ZBTB20: variants seen among roughly 807,000 people sequenced by gnomAD.
ZBTB20 encodes the protein zinc finger and BTB domain containing 20, also known as zinc finger and BTB domain-containing protein 20.
In ZBTB20, 9 loss-of-function variants were observed where a neutral mutation model predicts 56.9. That is an observed-to-expected ratio of 0.16 (90% CI 0.10 to 0.28). The LOEUF (loss-of-function observed/expected upper bound fraction) is 0.28, where lower values mean the gene tolerates loss of function less well. Ranked by LOEUF, ZBTB20 falls within the 10% of genes least tolerant of loss-of-function variation. ZBTB20 has a pLI of 1.00. For missense variants in ZBTB20, 655 were observed against 1,003.0 expected (o/e 0.65, Z 4.69); for synonymous variants, 417 against 420.7 (o/e 0.99, Z 0.11).
At chr3:115,021,980 T>C (rs2080223224) in intron 2 of ZBTB20, among the ~76,000 whole-genome samples, 1 of 150,734 alleles carries the variant, frequency 6.6e-6, no homozygotes, top group African/African-American at 2.4e-5. Flanking sequence ...TTTTGAAAAA[T>C]TATTCTGAAT....
At chr3:114,680,175 A>G (rs1176875861) in intron 6 of ZBTB20, among the ~76,000 whole-genome samples, 2 of 152,212 alleles carry the variant, frequency 1.3e-5, no homozygotes, top group Non-Finnish European at 2.9e-5. Context: ...TAGGACAAAT[A>G]CCTAATGTAG....
chr3:114,967,061 T>A (rs1427923849), intron 3 of ZBTB20, among the ~76,000 whole-genome samples: 1 of 152,158 alleles, frequency 6.6e-6, no homozygotes, highest in Non-Finnish European at 1.5e-5. Flanking sequence ...AGTTAACCAT[T>A]TCTAAAATAC....
intron 3 of ZBTB20, among the ~76,000 whole-genome samples, chr3:114,928,509 A>G (rs1358940171): frequency 6.6e-6 from 1 of 152,262 alleles, no homozygotes; most frequent in Admixed American, 6.5e-5. Context: ...TCTAAAAAAT[A>G]AATTTGGCAA....
rs1036191361 is a variant in ZBTB20, at chr3:114,550,175, C to T, written c.-294-49784G>A. Among the ~76,000 whole-genome samples the T allele has an allele frequency of 6.6e-5, 10 of 152,054 alleles. No individual in the cohort carries two copies. The East Asian group carries it at 7.7e-4, about 12-fold the overall frequency. ...GGATGGTCTCAATCTCCTGATCTTG[C>T]GATCCGCCTGCCTTGGCCTCCCAAA... On this transcript the variant is annotated intron_variant, in intron 6 of 11. Transcript: ENST00000675478.
At chr3:114,626,904 C>T (rs1414377714) in intron 6 of ZBTB20, among the ~76,000 whole-genome samples, 1 of 152,168 alleles carries the variant, frequency 6.6e-6, no homozygotes, top group East Asian at 1.9e-4. Context: ...AATGCTGACA[C>T]CCAGCAGTGA....
At chr3:115,075,811 A>C (rs936602076) in intron 1 of ZBTB20, among the ~76,000 whole-genome samples, 7 of 152,180 alleles carry the variant, frequency 4.6e-5, no homozygotes, top group Admixed American at 2.6e-4. Context: ...AACAAAAGCC[A>C]TTCAAATTGT....
chr3:115,084,971 T>TTTG lies in ZBTB20; in HGVS notation c.-702-13560_-702-13558dup, dbSNP rs748611015. Among the ~76,000 whole-genome samples, 59 of 151,940 alleles carry TTTG rather than the reference T, an allele frequency of 3.9e-4. 1 individual carries two copies. The highest frequency in any genetic ancestry group is 2.1e-3 in the East Asian group (11 of 5,176). ...CTTACTTAACGCTTTCCTGTTTTGT[T>TTTG]TTGTTGTTGTTGTTGTTGTTGTTTT... On this transcript the variant is annotated intron_variant, in intron 1 of 11. Coordinates refer to ENST00000675478, the MANE Select transcript of ZBTB20 (RefSeq NM_001348800.3).
intron 1 of ZBTB20, among the ~76,000 whole-genome samples, chr3:115,110,800 C>T (rs967357283): frequency 1.3e-5 from 2 of 151,916 alleles, no homozygotes; most frequent in Non-Finnish European, 2.9e-5. Flanking sequence ...ACCAGCCTGG[C>T]CAACATGGTA....
chr3:115,006,604 T>C (rs751943899), intron 2 of ZBTB20, among the ~76,000 whole-genome samples: 3 of 151,668 alleles, frequency 2.0e-5, no homozygotes, highest in Non-Finnish European at 2.9e-5. Context: ...TGTGCCTTTA[T>C]GTTTTAGCAA....
At chr3:115,055,033 T>A (rs1308832581) in intron 2 of ZBTB20, among the ~76,000 whole-genome samples, 1 of 152,100 alleles carries the variant, frequency 6.6e-6, no homozygotes, top group African/African-American at 2.4e-5. Context: ...CAGACAAACA[T>A]TCCAGGGGTT....
chr3:114,604,603 A>C (rs2057004211), intron 6 of ZBTB20, among the ~76,000 whole-genome samples: 1 of 152,070 alleles, frequency 6.6e-6, no homozygotes, highest in Admixed American at 6.6e-5. Flanking sequence ...GCAATGATAA[A>C]AATGGTTCCT....
chr3:114,912,950 A>G (rs2075600677), intron 3 of ZBTB20, among the ~76,000 whole-genome samples: 4 of 152,038 alleles, frequency 2.6e-5, no homozygotes, highest in African/African-American at 4.8e-5. Context: ...TCCATTGCAT[A>G]TATGGGCCAT....
intron 7 of ZBTB20, among the ~76,000 whole-genome samples, chr3:114,475,322 C>T (rs963070559): frequency 1.3e-5 from 2 of 152,102 alleles, no homozygotes; most frequent in Admixed American, 6.5e-5. Flanking sequence ...AATACCTTAT[C>T]TGTACTACTT....
In ZBTB20 at chr3:114,813,246, C is replaced by A. The variant is rs185371218; in HGVS notation, c.-416-12072G>T. 4.6e-5 allele frequency among the ~76,000 whole-genome samples: 7 copies of A among 152,346 alleles called. No homozygotes were observed. The East Asian group carries it at 1.4e-3, about 29-fold the overall frequency. ...GGTTATCAATAGGGCAATATCCAGG[C>A]TACAATGAAAAAGAAACTTGAAGTC... On this transcript the variant is annotated intron_variant, in intron 4 of 11. Transcript: ENST00000675478.
At chr3:114,341,644 C>A (rs780282105) in intron 11 of ZBTB20, among the ~76,000 whole-genome samples, 23 of 152,208 alleles carry the variant, frequency 1.5e-4, no homozygotes, top group Non-Finnish European at 2.9e-4. Flanking sequence ...TCATAGTTGT[C>A]ATGTTTCTCT....
At chr3:114,476,334 A>G (rs571888072) in intron 7 of ZBTB20, among the ~76,000 whole-genome samples, 1 of 152,368 alleles carries the variant, frequency 6.6e-6, no homozygotes, top group Admixed American at 6.5e-5. Flanking sequence ...ATGAGAGTTC[A>G]CTATGATATT....
chr3:115,114,577 AAAGT>A (rs1182716189), intron 1 of ZBTB20, among the ~76,000 whole-genome samples: 6 of 152,178 alleles, frequency 3.9e-5, no homozygotes, highest in African/African-American at 1.4e-4. Context: ...GAAAGATCTT[AAAGT>A]AAGTTATAAC....
rs1358239636 is a variant in ZBTB20, at chr3:114,576,537, A to T, written c.-294-76146T>A. Reference sequence around the variant, plus strand: ...AAAAAAAAAAAAAAAAAAAAAAAAAAAAAAAAAAAAATGTATACCTGATAT... The same window carrying T: ...AAAAAAAAAAAAAAAAAAAAAAAAATAAAAAAAAAAATGTATACCTGATAT... On this transcript the variant is annotated intron_variant, in intron 6 of 11. Transcript: ENST00000675478. Among the ~76,000 whole-genome samples, 3 of 142,928 alleles carry T rather than the reference A, an allele frequency of 2.1e-5. 1 individual carries two copies. Among genetic ancestry groups the T allele is most frequent in the African/African-American group, 7.8e-5 (3 of 38,328 alleles). The allele number at this position is 142,928 out of a possible 152,430, so 93.8% of individuals were successfully genotyped here. A position where few individuals can be genotyped will look rare whatever the true frequency, so the allele number is the denominator to read the frequency against.
chr3:114,771,969 T>C (rs1001419322), intron 5 of ZBTB20, among the ~76,000 whole-genome samples: 5 of 152,208 alleles, frequency 3.3e-5, no homozygotes, highest in Non-Finnish European at 5.9e-5. Context: ...AATAATGTCT[T>C]GCATCCTGCT....
Sources: allele counts gnomAD v4.1 joint callset (sites outside exome capture counted in the v4.1 genomes callset), GRCh38; gene constraint gnomAD v4.1.1; transcripts MANE v1.5; gene names NCBI Gene and HGNC (gene_info 2026-07-23, HGNC 2026-07-21).